MUC7: variants seen among roughly 807,000 people sequenced by gnomAD.
MUC7 encodes mucin 7, secreted, also known as mucin-7.
MUC7 carries 2 observed loss-of-function variants against 2.5 expected under a neutral mutation model. The ratio of observed to expected loss-of-function variants is 0.81; its 90% CI spans 0.33 to 2.55. The LOEUF is 2.55. Among genes scored for constraint, MUC7 ranks in the 30% most tolerant of loss-of-function variants. The pLI is 0.11. For synonymous variants in MUC7, 133 were observed against 173.4 expected (o/e 0.77, Z 1.83); for missense variants, 408 against 455.6 (o/e 0.90, Z 0.95).
At chr4:70,434,362 G>A (rs993275813) in intron 1 of MUC7, among the ~76,000 whole-genome samples, 2 of 151,948 alleles carry the variant, frequency 1.3e-5, no homozygotes, top group South Asian at 4.2e-4. Context: ...GACTTTTTTT[G>A]TTGGTAAGCT....
chr4:70,433,140 G>A (rs938612077), intron 1 of MUC7, among the ~76,000 whole-genome samples: 2 of 152,148 alleles, frequency 1.3e-5, no homozygotes, highest in Non-Finnish European at 2.9e-5. Flanking sequence ...TAGCCTTGTA[G>A]TAAAGTTTGA....
chr4:70,480,170 C>G (rs764132673), intron 2 of MUC7, among the ~76,000 whole-genome samples: 7 of 152,138 alleles, frequency 4.6e-5, no homozygotes, highest in Non-Finnish European at 8.8e-5. Flanking sequence ...CTCATGAACC[C>G]CCGAATCATG....
chr4:70,474,123 C>A (rs1734923974), intron 2 of MUC7, 48 bp downstream of exon 2: 3 of 1,505,624 alleles, frequency 2.0e-6, no homozygotes, highest in Non-Finnish European at 1.8e-6. Flanking sequence ...CAATAACAAA[C>A]ATTTAGTGTA....
intron 1 of MUC7, among the ~76,000 whole-genome samples, chr4:70,459,001 T>C (rs915870579): frequency 6.6e-6 from 1 of 152,160 alleles, no homozygotes; most frequent in Non-Finnish European, 1.5e-5. Context: ...CATAAAACTA[T>C]ATGTACTTAA....
At chr4:70,476,782 G>T (rs1340327463) in intron 2 of MUC7, among the ~76,000 whole-genome samples, 2 of 152,042 alleles carry the variant, frequency 1.3e-5, no homozygotes, top group African/African-American at 4.8e-5. Context: ...GCGAGACTCC[G>T]TCTCAAAAAA....
intron 1 of MUC7, among the ~76,000 whole-genome samples, chr4:70,446,486 G>A (rs1734142034): frequency 6.6e-6 from 1 of 152,042 alleles, no homozygotes; most frequent in Non-Finnish European, 1.5e-5. Flanking sequence ...TCCAATCTCT[G>A]CCTCTGTCTT....
intron 1 of MUC7, among the ~76,000 whole-genome samples, chr4:70,465,086 G>A (rs765632784): frequency 2.4e-4 from 37 of 152,334 alleles, no homozygotes; most frequent in African/African-American, 6.3e-4. Flanking sequence ...TGCAGCCTCC[G>A]CTGGTGATAC....
chr4:70,449,630 T>A (rs1265249038), intron 1 of MUC7, among the ~76,000 whole-genome samples: 2 of 152,174 alleles, frequency 1.3e-5, no homozygotes, highest in East Asian at 3.9e-4. Context: ...AGGACTTGGG[T>A]ATTGTGGTCT....
At chr4:70,447,258 A>G (rs970690753) in intron 1 of MUC7, among the ~76,000 whole-genome samples, 5 of 152,182 alleles carry the variant, frequency 3.3e-5, no homozygotes, top group African/African-American at 1.2e-4. Flanking sequence ...AAATGGGGAT[A>G]ACAATGATGT....
At chr4:70,466,388 G>T (rs1259302551) in intron 1 of MUC7, among the ~76,000 whole-genome samples, 2 of 152,092 alleles carry the variant, frequency 1.3e-5, no homozygotes, top group Non-Finnish European at 2.9e-5. Context: ...CATAACGACA[G>T]GATCAAATTC....
chr4:70,478,430 T>A (rs1489719309), intron 2 of MUC7, among the ~76,000 whole-genome samples: 1 of 152,176 alleles, frequency 6.6e-6, no homozygotes, highest in African/African-American at 2.4e-5. Context: ...ACCACATAAC[T>A]ATTTCAAAGC....
At chr4:70,466,632 C>A (rs1734691323) in intron 1 of MUC7, among the ~76,000 whole-genome samples, 1 of 151,580 alleles carries the variant, frequency 6.6e-6, no homozygotes, top group Admixed American at 6.6e-5. Flanking sequence ...ATAAAACAGA[C>A]TTTAAACCAA....
At chr4:70,441,451 T>C in intron 1 of MUC7, among the ~76,000 whole-genome samples, 1 of 152,122 alleles carries the variant, frequency 6.6e-6, no homozygotes, top group Admixed American at 6.6e-5. Context: ...TTTAAAATAG[T>C]GTATCAGCAA....
chr4:70,438,286 G>GT lies in MUC7; in HGVS notation c.-93+7606dup, dbSNP rs764249547. Among the ~76,000 whole-genome samples the GT allele has an allele frequency of 7.2e-5, 11 of 152,176 alleles. No homozygotes were observed. In the South Asian group the frequency reaches 1.0e-3, roughly 14 times the overall value. On this transcript the variant is annotated intron_variant, in intron 1 of 3. Coordinates refer to the MUC7 transcript ENST00000413702. ...CATTGCAATATAATAAACTGCATTT[G>GT]TTTTTTTCTTTCACCTTTTTACAAC... is the stretch of plus-strand genomic sequence containing the variant.
chr4:70,470,268 G>A (rs548237635), upstream of MUC7, among the ~76,000 whole-genome samples: 21 of 152,304 alleles, frequency 1.4e-4, no homozygotes, highest in East Asian at 3.9e-3. Flanking sequence ...CAGGTGGGGG[G>A]CTGGGGGAGG....
intron 1 of MUC7, among the ~76,000 whole-genome samples, chr4:70,431,220 G>A (rs976648334): frequency 1.3e-5 from 2 of 151,910 alleles, no homozygotes; most frequent in African/African-American, 2.4e-5. Flanking sequence ...TGAGAAAAAT[G>A]TTTTTACAAT....
At chr4:70,478,238 A>C (rs1735062902) in intron 2 of MUC7, among the ~76,000 whole-genome samples, 1 of 152,140 alleles carries the variant, frequency 6.6e-6, no homozygotes. Context: ...ATGAATAAAC[A>C]CTTTTAAATG....
chr4:70,448,223 T>C (rs891289380), intron 1 of MUC7, among the ~76,000 whole-genome samples: 1 of 152,180 alleles, frequency 6.6e-6, no homozygotes, highest in Non-Finnish European at 1.5e-5. Flanking sequence ...ATTTTGGCTA[T>C]TGTGAATAGT....
chr4:70,480,850 C>A lies in MUC7; in HGVS notation c.106C>A (p.His36Asn). Residue 36 changes from histidine to asparagine, a missense_variant, in exon 3 of 3, where the codon CAC becomes AAC. His to Asn is a moderately conservative substitution (Grantham distance 68). Transcript: ENST00000304887. ...DHELRHRRHH[H>N]QSPKSHFELP... ...TGAACTACGTCACAGAAGGCATCAT[C>A]ACCAATCACCCAAATCTCACTTTGA... 1 of 1,614,096 alleles carries A rather than the reference C, an allele frequency of 6.2e-7. No individual in the cohort carries two copies. The highest frequency in any genetic ancestry group is 1.1e-5 in the South Asian group (1 of 91,074).
Sources: gnomAD v4.1 joint callset for allele counts (sites outside exome capture counted in the v4.1 genomes callset) on GRCh38, gnomAD v4.1.1 for gene constraint, MANE v1.5 for transcripts, NCBI Gene and HGNC (gene_info 2026-07-23, HGNC 2026-07-21) for gene names.